ITGAE: variants seen among roughly 807,000 people sequenced by gnomAD.
ITGAE encodes integrin subunit alpha E.
Under a neutral mutation model 136.5 loss-of-function variants are expected in ITGAE, and 99 were observed. That is an observed-to-expected ratio of 0.73 (90% CI 0.62 to 0.86). ITGAE has a LOEUF of 0.86. ITGAE is among the 40% of genes least tolerant of loss of function. ITGAE has a pLI of 0.00. For missense variants in ITGAE, 1,447 were observed against 1,515.3 expected (o/e 0.95, Z 0.75); for synonymous variants, 613 against 591.8 (o/e 1.04, Z -0.52).
chr17:3,725,809 C>T (rs762081185), intron 26 of ITGAE: 1 of 1,611,374 alleles, frequency 6.2e-7, no homozygotes, highest in East Asian at 2.2e-5. Context: ...TTGGCTACTG[C>T]AAAGAGCATT....
rs1391366509 is a variant in ITGAE, at chr17:3,739,869, C to A, written c.2458G>T (p.Glu820Ter). 6.2e-7 allele frequency: 1 copy of A among 1,614,036 alleles called. No homozygotes were observed. Among genetic ancestry groups the A allele is most frequent in the South Asian group, 1.1e-5 (1 of 91,084 alleles). ...AACAGCTTATTCTTGCAGGCCTTCT[C>A]ATAGGGCAGCTGTAACCAGACAGAG... ...EPFAIFQLPY[E>*]KACKNKLFCV... Residue 820 changes from glutamate (E) to a stop codon, truncating the protein, a stop_gained, in exon 20 of 31, where the codon GAG (glutamate) becomes TAG (stop). Coordinates refer to ENST00000263087, the MANE Select transcript of ITGAE (RefSeq NM_002208.5). LOFTEE classifies it high-confidence loss of function.
At chr17:3,787,709 A>C (rs1456402534) in intron 1 of ITGAE, among the ~76,000 whole-genome samples, 1 of 139,712 alleles carries the variant, frequency 7.2e-6, no homozygotes, top group East Asian at 2.1e-4. Flanking sequence ...TTTTTTTGAG[A>C]GGGAGTTTTG....
chr17:3,722,172 GAAAGAAAAGA>G (rs753183719), intron 28 of ITGAE, among the ~76,000 whole-genome samples: 2 of 145,778 alleles, frequency 1.4e-5, no homozygotes, highest in Non-Finnish European at 3.0e-5. Context: ...CGTCTTGAAA[GAAAGAAAAGA>G]AAAGAAAAGA....
At position 3,725,673 on chromosome 17, in the gene ITGAE, T is replaced by C; in HGVS notation, c.3085-1929A>G. 6.3e-7 allele frequency: 1 copy of C among 1,590,080 alleles called. No individual in the cohort carries two copies. ...CTTGCTCCTCAAAGCCTGGGATCAC[T>C]ATAATTCAACCAAAGGCTCTGCAAA... On this transcript the variant is annotated intron_variant, in intron 26 of 30. Coordinates refer to ENST00000263087, the MANE Select transcript of ITGAE (RefSeq NM_002208.5).
intron 21 of ITGAE, 36 bp from the exon 22 acceptor site, chr17:3,732,502 C>CAAACAAAACA (rs768616059): frequency 5.2e-6 from 8 of 1,552,780 alleles, no homozygotes; most frequent in Non-Finnish European, 7.1e-6. Flanking sequence ...CTTAAAGAGC[C>CAAACAAAACA]AAACAAAACA....
intron 20 of ITGAE, among the ~76,000 whole-genome samples, chr17:3,738,328 G>C (rs538201306): frequency 6.6e-6 from 1 of 152,126 alleles, no homozygotes; most frequent in East Asian, 1.9e-4. Flanking sequence ...CCACCACCAT[G>C]CCCAGCTAAT....
chr17:3,777,182 C>T (rs2052563665), intron 2 of ITGAE, among the ~76,000 whole-genome samples: 2 of 151,890 alleles, frequency 1.3e-5, no homozygotes, highest in South Asian at 2.1e-4. Context: ...AGGATGGTCT[C>T]AATCTCCTGA....
chr17:3,739,476 T>G (rs893968807), intron 20 of ITGAE, among the ~76,000 whole-genome samples: 8 of 152,048 alleles, frequency 5.3e-5, no homozygotes, highest in Non-Finnish European at 8.8e-5. Flanking sequence ...CTAACTGAGG[T>G]AGAGGTCAGC....
At chr17:3,779,841 T>G (rs1470744745) in intron 1 of ITGAE, among the ~76,000 whole-genome samples, 1 of 152,218 alleles carries the variant, frequency 6.6e-6, no homozygotes, top group Non-Finnish European at 1.5e-5. Context: ...ATAGATTACC[T>G]CCCAAAGAGG....
At chr17:3,777,165 G>C (rs1462905435) in intron 2 of ITGAE, among the ~76,000 whole-genome samples, 2 of 151,770 alleles carry the variant, frequency 1.3e-5, no homozygotes, top group African/African-American at 4.8e-5. Context: ...GTTTCACCGT[G>C]TTAGCCAGGA....
intron 19 of ITGAE, among the ~76,000 whole-genome samples, chr17:3,741,519 C>T (rs2051588950): frequency 6.6e-6 from 1 of 152,024 alleles, no homozygotes; most frequent in African/African-American, 2.4e-5. Flanking sequence ...CCTAATACCA[C>T]GTGGTTTTTT....
chr17:3,763,566 C>T (rs1001494165), intron 3 of ITGAE, among the ~76,000 whole-genome samples: 10 of 152,020 alleles, frequency 6.6e-5, no homozygotes, highest in Non-Finnish European at 1.0e-4. Flanking sequence ...TTATAAATGG[C>T]GCGGTTTTGA....
chr17:3,751,706 C>T lies in ITGAE; in HGVS notation c.1837G>A (p.Gly613Ser), dbSNP rs757094971. The T allele has an allele frequency of 1.1e-5, 18 of 1,613,868 alleles. No homozygotes were observed. In the East Asian group the frequency reaches 1.3e-4, roughly 12 times the overall value. Reference protein sequence around the residue: ...GFGADDGASFGSVYIYNGHWD... With the variant: ...GFGADDGASFSSVYIYNGHWD... Reference sequence around the variant, plus strand: ...TGTCCATTGTAGATATACACACTGCCGAAGCTGGCACCATCATCTGCCCCA... The same window carrying T: ...TGTCCATTGTAGATATACACACTGCTGAAGCTGGCACCATCATCTGCCCCA... The change falls in exon 15 of 31, where the codon GGC becomes AGC. Residue 613 changes from glycine to serine, a missense_variant. Physicochemically the swap from Gly to Ser is moderately conservative, Grantham distance 56. Transcript: ENST00000263087.
At chr17:3,723,433 T>A (rs375773483) in intron 27 of ITGAE, 50 bp from the exon 28 acceptor site, 2 of 1,367,860 alleles carry the variant, frequency 1.5e-6, no homozygotes, top group Non-Finnish European at 2.1e-6. Context: ...GCGGAAAGTC[T>A]GAAATCTTTT....
intron 12 of ITGAE, among the ~76,000 whole-genome samples, chr17:3,754,150 AC>A (rs1327744332): frequency 2.0e-5 from 3 of 152,312 alleles, no homozygotes; most frequent in African/African-American, 7.2e-5. Context: ...GCTGTCTGTC[AC>A]GTATGCAGCT....
chr17:3,746,041 A>G, intron 17 of ITGAE, 114 bp from the exon 18 acceptor site: 1 of 917,754 alleles, frequency 1.1e-6, no homozygotes, highest in Non-Finnish European at 1.6e-6. Context: ...GTCCCCATGC[A>G]GGTACTTCCC....
At chr17:3,769,353 C>G (rs1173733524) in intron 2 of ITGAE, among the ~76,000 whole-genome samples, 2 of 151,780 alleles carry the variant, frequency 1.3e-5, no homozygotes, top group Non-Finnish European at 2.9e-5. Context: ...CCCTTTCTTC[C>G]CACCTGGACT....
chr17:3,734,779 C>T lies in ITGAE; in HGVS notation c.2655+38G>A, dbSNP rs562446617. The T allele has an allele frequency of 8.7e-6, 14 of 1,612,128 alleles. No individual in the cohort carries two copies. The Middle Eastern group carries it at 5.2e-4, about 59-fold the overall frequency. ...AAGCAGGCATGCAGCGAGGGAGGGG[C>T]GTGAGGGACCTGTTTCCACAGCCAC... On this transcript the variant is annotated intron_variant, in intron 21 of 30. Coordinates refer to ENST00000263087, the MANE Select transcript of ITGAE (RefSeq NM_002208.5).
chr17:3,767,027 C>T (rs553763835), intron 2 of ITGAE, among the ~76,000 whole-genome samples: 2 of 151,688 alleles, frequency 1.3e-5, no homozygotes, highest in East Asian at 1.9e-4. Context: ...CTCACTTCGT[C>T]GTGTTTTCAC....
Sources: gnomAD v4.1 joint callset for allele counts (sites outside exome capture counted in the v4.1 genomes callset) on GRCh38, gnomAD v4.1.1 for gene constraint, MANE v1.5 for transcripts, NCBI Gene and HGNC (gene_info 2026-07-23, HGNC 2026-07-21) for gene names.